RGSL1: variants seen among roughly 807,000 people sequenced by gnomAD.
RGSL1 encodes the protein regulator of G protein signaling protein-like.
In RGSL1, 97 loss-of-function variants were observed where a neutral mutation model predicts 124.7. The observed-to-expected ratio is 0.78, with a 90% CI of 0.66 to 0.92. The LOEUF (loss-of-function observed/expected upper bound fraction) is 0.92. Among genes scored for constraint, RGSL1 ranks in the 40% least tolerant of loss-of-function variants. The probability of loss-of-function intolerance (pLI) is 0.00; values close to 1 mark genes in which losing one functional copy is unlikely to be tolerated. For missense variants in RGSL1, 1,233 were observed against 1,288.4 expected (o/e 0.96, Z 0.66); for synonymous variants, 424 against 438.1 (o/e 0.97, Z 0.40).
At chr1:182,468,572 A>C (rs1199622850) in intron 4 of RGSL1, among the ~76,000 whole-genome samples, 2 of 152,122 alleles carry the variant, frequency 1.3e-5, no homozygotes, top group Non-Finnish European at 2.9e-5. Flanking sequence ...AACAATGAGA[A>C]TATTTGGACA....
chr1:182,471,077 T>C (rs1293027584), intron 4 of RGSL1, among the ~76,000 whole-genome samples: 1 of 152,106 alleles, frequency 6.6e-6, no homozygotes, highest in Non-Finnish European at 1.5e-5. Flanking sequence ...TGCATGCTTG[T>C]GGGTCCCTCC....
rs978433746 is a variant in RGSL1 at position 182,488,422 on chromosome 1, G to T, written c.1494+75G>T. On this transcript the variant is annotated intron_variant, in intron 7 of 21. Coordinates refer to ENST00000294854, the MANE Select transcript of RGSL1 (RefSeq NM_001137669.2). Reference sequence around the variant, plus strand: ...AAAGAGTAATTACTGTTTTAAAAGGGTTATGTGTTAAAGTAAATGAAATTG... The same window carrying T: ...AAAGAGTAATTACTGTTTTAAAAGGTTTATGTGTTAAAGTAAATGAAATTG... 194 of 1,294,184 alleles carry T rather than the reference G, an allele frequency of 1.5e-4. 2 individuals carry two copies. In the South Asian group the frequency reaches 1.8e-3, roughly 12 times the overall value. 80.2% of individuals were successfully genotyped at this position (1,294,184 alleles called of 1,614,324 possible). A position where few individuals can be genotyped will look rare whatever the true frequency, so the allele number is the denominator to read the frequency against.
intron 9 of RGSL1, among the ~76,000 whole-genome samples, chr1:182,496,380 A>G (rs1655912669): frequency 6.6e-6 from 1 of 152,196 alleles, no homozygotes; most frequent in African/African-American, 2.4e-5. Flanking sequence ...GATCCAAACC[A>G]TATCGGATGG....
intron 15 of RGSL1, among the ~76,000 whole-genome samples, chr1:182,546,035 A>G (rs1412785642): frequency 6.6e-6 from 1 of 152,104 alleles, no homozygotes; most frequent in Non-Finnish European, 1.5e-5. Flanking sequence ...TCCCTCTTGA[A>G]CACCAATAAT....
chr1:182,488,266 T>C lies in RGSL1; in HGVS notation c.1432-19T>C. The stretch of plus-strand genomic sequence containing the variant: ...CTGACCATCCACCTCATAATGCATA[T>C]GCTGTGTTTGGTTTTCAGATGCTCA... On this transcript the variant is annotated intron_variant, in intron 6 of 21. Coordinates refer to ENST00000294854, the MANE Select transcript of RGSL1 (RefSeq NM_001137669.2). 6 of 1,551,550 alleles carry C rather than the reference T, an allele frequency of 3.9e-6. No homozygotes were observed. Among genetic ancestry groups the C allele is most frequent in the African/African-American group, 1.4e-5 (1 of 73,150 alleles).
intron 9 of RGSL1, among the ~76,000 whole-genome samples, chr1:182,511,650 T>A (rs570402): frequency 0.84 from 127,511 of 152,178 alleles, 53,724 homozygotes; most frequent in Non-Finnish European, 0.87. Flanking sequence ...TTACTGTAGC[T>A]TTGTAGTAAA....
rs561296385 is a variant in RGSL1, at chr1:182,488,725, CAAAAAAAAAAAAA to C, written c.1495-244_1495-232del. 8 of 104,882 alleles carry C rather than the reference CAAAAAAAAAAAAA, an allele frequency of 7.6e-5. No homozygotes were observed. The East Asian group carries it at 1.7e-3, about 23-fold the overall frequency. 6.5% of individuals were successfully genotyped at this position (104,882 alleles called of 1,614,324 possible). On this transcript the variant is annotated intron_variant, in intron 7 of 21. Coordinates refer to ENST00000294854, the MANE Select transcript of RGSL1 (RefSeq NM_001137669.2). ...TGGGCGACAGAGCGAGACTCCGTCTCAAAAAAAAAAAAAAAAAAAAAAAGATGACTTTGAAAAA... is the reference window on the plus strand; with the variant it reads ...TGGGCGACAGAGCGAGACTCCGTCTCAAAAAAAAAAGATGACTTTGAAAAA...
intron 15 of RGSL1, among the ~76,000 whole-genome samples, chr1:182,547,450 C>T (rs549073337): frequency 2.0e-5 from 3 of 152,188 alleles, no homozygotes; most frequent in African/African-American, 4.8e-5. Context: ...GCTGCTGCTC[C>T]GATTCCCACC....
At chr1:182,538,887 G>A (rs1451086902) in intron 14 of RGSL1, among the ~76,000 whole-genome samples, 1 of 152,070 alleles carries the variant, frequency 6.6e-6, no homozygotes, top group Non-Finnish European at 1.5e-5. Context: ...AAATGTCACT[G>A]CAAGAAAGAC....
In RGSL1 at chr1:182,474,483, C is replaced by A. The variant is rs370734373; in HGVS notation, c.1372C>A (p.Leu458Ile). 1 of 1,551,442 alleles carries A rather than the reference C, an allele frequency of 6.4e-7. No homozygotes were observed. The highest frequency in any genetic ancestry group is 8.7e-7 in the Non-Finnish European group (1 of 1,146,784). The stretch of plus-strand genomic sequence containing the variant: ...CCAAACCATTCAGGGCCTGAAGGAA[C>A]TATTGCCCTCTGGGGATGTGATCCC... The part of the protein sequence containing the change: ...KSQTIQGLKE[L>I]LPSGDVIPWI... The change falls in exon 6 of 22, where the codon CTA (leucine) becomes ATA (isoleucine). Residue 458 changes from leucine (L) to isoleucine (I), a missense_variant. Physicochemically the swap from Leu to Ile is conservative, Grantham distance 5. Coordinates refer to ENST00000294854, the MANE Select transcript of RGSL1 (RefSeq NM_001137669.2).
intron 8 of RGSL1, among the ~76,000 whole-genome samples, chr1:182,492,368 T>C (rs1047809912): frequency 3.3e-4 from 50 of 152,186 alleles, no homozygotes; most frequent in Non-Finnish European, 1.9e-4. Context: ...AGATGGATGC[T>C]TTGAAGGAGT....
At chr1:182,550,523 G>T (rs1660491500) in intron 17 of RGSL1, 1 of 152,286 alleles carries the variant, frequency 6.6e-6, no homozygotes, top group African/African-American at 2.4e-5. Context: ...CAAGGGGCTT[G>T]GGGCCAGGAA....
In RGSL1 at chr1:182,556,119, C is replaced by T; in HGVS notation, c.*62C>T. 1 of 1,466,890 alleles carries T rather than the reference C, an allele frequency of 6.8e-7. No homozygotes were observed. The highest frequency in any genetic ancestry group is 9.3e-7 in the Non-Finnish European group (1 of 1,080,474). The allele number at this position is 1,466,890 out of a possible 1,614,324, so 90.9% of individuals were successfully genotyped here. A position where few individuals can be genotyped will look rare whatever the true frequency, so the allele number is the denominator to read the frequency against. ...AGAGGCCTCCTAACACTGACAGAAA[C>T]TTTTCTGGTCAAAAATGAAAGGTCC... is the stretch of plus-strand genomic sequence containing the variant. On this transcript the variant is annotated 3_prime_UTR_variant, in exon 21 of 22. Coordinates refer to ENST00000294854, the MANE Select transcript of RGSL1 (RefSeq NM_001137669.2).
intron 6 of RGSL1, among the ~76,000 whole-genome samples, chr1:182,485,749 A>C (rs1047399564): frequency 2.0e-5 from 3 of 152,212 alleles, no homozygotes; most frequent in African/African-American, 7.2e-5. Context: ...TGGGAGCCAA[A>C]TTCGGCTTCC....
At chr1:182,462,087 CAGAG>C (rs1364470851) in intron 4 of RGSL1, among the ~76,000 whole-genome samples, 1 of 152,018 alleles carries the variant, frequency 6.6e-6, no homozygotes, top group Non-Finnish European at 1.5e-5. Flanking sequence ...ATGCCAAAGA[CAGAG>C]AGAGAATGTT....
In RGSL1 at chr1:182,540,346, G is replaced by T; in HGVS notation, c.2594G>T (p.Arg865Leu). The change falls in exon 15 of 22, where the codon CGT becomes CTT. Residue 865 changes from arginine (R) to leucine (L), a missense_variant. Physicochemically the swap from Arg to Leu is moderately radical, Grantham distance 102 (BLOSUM62 -2). Transcript: ENST00000294854. ...QENGEITLVK[R>L]RIFGHRIITV... ...AATGGAGAAATAACCCTTGTAAAGC[G>T]TCGTATATTTGGCCACAGGATTATC... 1 of 1,551,324 alleles carries T rather than the reference G, an allele frequency of 6.4e-7. No individual in the cohort carries two copies.
intron 9 of RGSL1, among the ~76,000 whole-genome samples, chr1:182,497,191 T>C (rs1305389709): frequency 6.6e-6 from 1 of 151,812 alleles, no homozygotes; most frequent in African/African-American, 2.4e-5. Context: ...GAACTGCTTC[T>C]TGTCCTTCTT....
chr1:182,489,232 C>T (rs1655344495), intron 8 of RGSL1, 30 bp downstream of exon 8: 17 of 1,508,876 alleles, frequency 1.1e-5, no homozygotes, highest in Non-Finnish European at 1.4e-5. Flanking sequence ...TTTTTTTGAC[C>T]TTTACATATG....
In RGSL1 at chr1:182,530,902, G is replaced by A. The variant is rs867704845; in HGVS notation, c.2356G>A (p.Glu786Lys). Residue 786 changes from glutamate to lysine, a missense_variant, in exon 13 of 22, where the codon GAA becomes AAA. Transcript: ENST00000294854. Reference sequence around the variant, plus strand: ...AAAGATAGTGTCAACTTACCTACAGGAATCCCAGGTTAGTGAAGAAGAAAG... The same window carrying A: ...AAAGATAGTGTCAACTTACCTACAGAAATCCCAGGTTAGTGAAGAAGAAAG... ...PSKIVSTYLQ[E>K]SQKKGWMRMI... The A allele has an allele frequency of 6.5e-7, 1 of 1,547,634 alleles. No individual in the cohort carries two copies. Among genetic ancestry groups the A allele is most frequent in the Non-Finnish European group, 8.7e-7 (1 of 1,145,250 alleles).
Sources: gnomAD v4.1 joint callset for allele counts (sites outside exome capture counted in the v4.1 genomes callset) on GRCh38, gnomAD v4.1.1 for gene constraint, MANE v1.5 for transcripts, NCBI Gene and HGNC (gene_info 2026-07-23, HGNC 2026-07-21) for gene names.